MARCHF5: variants seen among roughly 807,000 people sequenced by gnomAD.
MARCHF5 encodes the protein E3 ubiquitin-protein ligase MARCHF5.
Under a neutral mutation model 36.5 loss-of-function variants are expected in MARCHF5, and 5 were observed. That is an observed-to-expected ratio of 0.14 (90% confidence interval 0.07 to 0.29). The LOEUF (loss-of-function observed/expected upper bound fraction) is 0.29. Ranked by LOEUF, MARCHF5 falls within the 10% of genes least tolerant of loss-of-function variation. The probability of loss-of-function intolerance (pLI) is 1.00; values close to 1 mark genes in which losing one functional copy is unlikely to be tolerated. For missense variants in MARCHF5, 179 were observed against 336.3 expected, an observed-to-expected ratio of 0.53 and a Z score of 3.66; for synonymous variants, 103 against 109.9, an observed-to-expected ratio of 0.94 and a Z score of 0.39.
intron 2 of MARCHF5, among the ~76,000 whole-genome samples, chr10:92,322,462 C>T (rs1425531377): frequency 7.7e-6 from 1 of 129,658 alleles, no homozygotes; most frequent in African/African-American, 2.9e-5. Context: ...TTTTTTGAGA[C>T]AGGGCCTCAC....
At chr10:92,297,532 A>C (rs1258110953) in intron 1 of MARCHF5, among the ~76,000 whole-genome samples, 1 of 126,616 alleles carries the variant, frequency 7.9e-6, no homozygotes. Context: ...CCTGCCACCC[A>C]AGCTGGAGTG....
rs932436000 is a variant in MARCHF5 at position 92,293,490 on chromosome 10, C to A, written c.35+1961C>A. Among the ~76,000 whole-genome samples, 3 of 151,880 alleles carry A rather than the reference C, an allele frequency of 2.0e-5. No homozygotes were observed. The South Asian group carries it at 6.2e-4, about 32-fold the overall frequency. ...TAAAAGTAAGAAGCCAAAGAGTGAGCCTGGGCACGGTGGCTCACCCTTGTA... is the reference window on the plus strand; with the variant it reads ...TAAAAGTAAGAAGCCAAAGAGTGAGACTGGGCACGGTGGCTCACCCTTGTA... On this transcript the variant is annotated intron_variant, in intron 1 of 5. Transcript: ENST00000358935.
chr10:92,343,311 A>G (rs1348390743), intron 3 of MARCHF5, among the ~76,000 whole-genome samples: 3 of 151,822 alleles, frequency 2.0e-5, no homozygotes, highest in African/African-American at 7.3e-5. Flanking sequence ...CTTACAGGCA[A>G]CTCCTGCCTG....
intron 2 of MARCHF5, among the ~76,000 whole-genome samples, chr10:92,337,831 T>G (rs1419381372): frequency 6.6e-6 from 1 of 152,040 alleles, no homozygotes; most frequent in East Asian, 1.9e-4. Context: ...TGAGTACATG[T>G]GCTGGAGAGC....
At chr10:92,310,353 GA>G (rs1273385986) in intron 1 of MARCHF5, among the ~76,000 whole-genome samples, 1 of 152,064 alleles carries the variant, frequency 6.6e-6, no homozygotes, top group Non-Finnish European at 1.5e-5. Flanking sequence ...TTAATTGGGA[GA>G]AAAACTGAGG....
At chr10:92,295,407 A>ATTTTT (rs1474666242) in intron 1 of MARCHF5, among the ~76,000 whole-genome samples, 13 of 77,882 alleles carry the variant, frequency 1.7e-4, no homozygotes, top group South Asian at 3.9e-4. Flanking sequence ...TTATTTATTT[A>ATTTTT]TTTTTTATTT....
intron 2 of MARCHF5, among the ~76,000 whole-genome samples, chr10:92,330,285 A>G (rs1843421433): frequency 6.6e-6 from 1 of 152,202 alleles, no homozygotes; most frequent in Non-Finnish European, 1.5e-5. Context: ...GATTAGTTTT[A>G]AGAAGTATCT....
chr10:92,310,415 A>T (rs948729275), intron 1 of MARCHF5, among the ~76,000 whole-genome samples: 1 of 152,206 alleles, frequency 6.6e-6, no homozygotes, highest in Non-Finnish European at 1.5e-5. Context: ...AAGTACCCTT[A>T]AAAGCAAAGT....
intron 2 of MARCHF5, among the ~76,000 whole-genome samples, chr10:92,331,908 T>A (rs1175777064): frequency 1.4e-5 from 2 of 146,458 alleles, no homozygotes; most frequent in African/African-American, 5.0e-5. Flanking sequence ...ATCATATATA[T>A]GTATATATAA....
chr10:92,327,293 T>G (rs1843374622), intron 2 of MARCHF5, among the ~76,000 whole-genome samples: 1 of 150,992 alleles, frequency 6.6e-6, no homozygotes, highest in African/African-American at 2.5e-5. Context: ...CCATTTTGTA[T>G]TCATATATGA....
chr10:92,301,909 A>G (rs1295258318), intron 1 of MARCHF5, among the ~76,000 whole-genome samples: 2 of 152,084 alleles, frequency 1.3e-5, no homozygotes, highest in Non-Finnish European at 2.9e-5. Flanking sequence ...AAATACAAAA[A>G]AATTAGCTGG....
Position 92,345,173 on chromosome 10 carries a change from T to TAA in MARCHF5, c.370-4164_370-4163dup, listed in dbSNP as rs113693627. On this transcript the variant is annotated intron_variant, in intron 3 of 5. Transcript: ENST00000358935. ...TACTTACTTATCCTTGATTCTGAGT[T>TAA]AAAAAAAAAAAAACCCTGTTATTTC... 5.8e-4 allele frequency among the ~76,000 whole-genome samples: 83 copies of TAA among 143,592 alleles called. 1 individual carries two copies. The highest frequency in any genetic ancestry group is 2.0e-3 in the African/African-American group (79 of 39,878). 94.2% of individuals were successfully genotyped at this position (143,592 alleles called of 152,430 possible).
Position 92,345,697 on chromosome 10 carries a change from C to CTT in MARCHF5, c.370-3639_370-3638dup, listed in dbSNP as rs34971275. 1.9e-3 allele frequency among the ~76,000 whole-genome samples: 231 copies of CTT among 123,584 alleles called. 3 individuals carry two copies. The highest frequency in any genetic ancestry group is 2.9e-3 in the South Asian group (11 of 3,814). 81.1% of individuals were successfully genotyped at this position (123,584 alleles called of 152,430 possible). On this transcript the variant is annotated intron_variant, in intron 3 of 5. Transcript: ENST00000358935. ...TTTTGTTTTTCTCTTTTTTTTTTTT[C>CTT]TTTTTTTTTTTTTTGAGACAGAGTC... is the stretch of plus-strand genomic sequence containing the variant.
intron 2 of MARCHF5, among the ~76,000 whole-genome samples, chr10:92,326,958 A>T (rs892152419): frequency 6.6e-6 from 1 of 152,134 alleles, no homozygotes; most frequent in Non-Finnish European, 1.5e-5. Context: ...GTTATAAATT[A>T]TAACTATCGT....
chr10:92,298,441 G>T (rs1009341781), intron 1 of MARCHF5, among the ~76,000 whole-genome samples: 2 of 152,106 alleles, frequency 1.3e-5, no homozygotes, highest in African/African-American at 4.8e-5. Context: ...TACCTGCCCA[G>T]TGGACATTTC....
rs1843733591 is a variant in MARCHF5 at position 92,352,691 on chromosome 10, T to C, written c.*1484T>C. 2 of 152,574 alleles carry C rather than the reference T, an allele frequency of 1.3e-5. No homozygotes were observed. The highest frequency in any genetic ancestry group is 4.8e-5 in the African/African-American group (2 of 41,438). 9.5% of individuals were successfully genotyped at this position (152,574 alleles called of 1,614,324 possible). A position where few individuals can be genotyped will look rare whatever the true frequency, so the allele number is the denominator to read the frequency against. The stretch of plus-strand genomic sequence containing the variant: ...CAATAATATATGTTAACTTTAGTAA[T>C]TAAAGACTGGTTTCTATAGTATGAA... On this transcript the variant is annotated 3_prime_UTR_variant, in exon 6 of 6. Transcript: ENST00000358935.
chr10:92,314,035 AAAG>A (rs894749395), intron 2 of MARCHF5, among the ~76,000 whole-genome samples: 3 of 151,938 alleles, frequency 2.0e-5, no homozygotes, highest in Non-Finnish European at 4.4e-5. Context: ...TCTCTACAAA[AAAG>A]AAAAAGAAAA....
intron 1 of MARCHF5, among the ~76,000 whole-genome samples, chr10:92,307,135 CAG>C (rs1370558419): frequency 6.6e-6 from 1 of 151,630 alleles, no homozygotes; most frequent in East Asian, 2.0e-4. Flanking sequence ...GCCTGGACAA[CAG>C]AGCCAGACCC....
chr10:92,340,575 T>C, intron 2 of MARCHF5, 98 bp from the exon 3 acceptor site: 2 of 1,152,660 alleles, frequency 1.7e-6, no homozygotes, highest in Non-Finnish European at 2.4e-6. Context: ...CTGTGTCTTG[T>C]TGGGGGGAAG....
Sources: allele counts gnomAD v4.1 joint callset (sites outside exome capture counted in the v4.1 genomes callset), GRCh38; gene constraint gnomAD v4.1.1; transcripts MANE v1.5; gene names NCBI Gene and HGNC (gene_info 2026-07-23, HGNC 2026-07-21).